Variants in MUC13 observed in about 807,000 individuals in gnomAD.
MUC13 encodes mucin-13.
MUC13 carries 32 observed loss-of-function variants against 48.3 expected under a neutral mutation model. The observed-to-expected ratio is 0.66, with a 90% CI of 0.50 to 0.89. MUC13 has a LOEUF of 0.89. MUC13 is among the 40% of genes least tolerant of loss of function. The pLI, the probability that MUC13 is intolerant of heterozygous loss-of-function variation, is 0.00. For missense variants in MUC13, 571 were observed against 622.8 expected (o/e 0.92, Z 0.88); for synonymous variants, 199 against 224.9 (o/e 0.88, Z 1.03).
chr3:124,925,736 C>T (rs1935674976), intron 2 of MUC13, among the ~76,000 whole-genome samples: 1 of 152,174 alleles, frequency 6.6e-6, no homozygotes, highest in Non-Finnish European at 1.5e-5. Flanking sequence ...ACTTCAGCCT[C>T]CTGAGTAGCT....
chr3:124,910,293 G>A (rs1315175802), intron 10 of MUC13, 122 bp downstream of exon 10: 2 of 1,369,986 alleles, frequency 1.5e-6, no homozygotes, highest in Non-Finnish European at 2.0e-6. Flanking sequence ...CAGCACTTTG[G>A]GAGGCCAAGG....
At chr3:124,922,339 T>C in intron 3 of MUC13, 36 bp from the exon 4 acceptor site, 6 of 1,599,612 alleles carry the variant, frequency 3.8e-6, no homozygotes, top group Non-Finnish European at 5.1e-6. Context: ...TACTATTTGA[T>C]GAAAAGAGGG....
rs555540867 is a variant in MUC13 at position 124,927,704 on chromosome 3, T to C, written c.342A>G (p.Ser114=). The change falls in exon 2 of 12, where the codon TCA becomes TCG. Residue 114 remains serine (S), a synonymous_variant. Transcript: ENST00000616727. ...ADSESTTNVN[S]LATSDIITAS... is the part of the protein sequence containing the mutation. Reference sequence around the variant, plus strand: ...CGGTGATTATGTCAGAGGTAGCTAATGAATTTACATTTGTGGTTGACTCAC... The same window carrying C: ...CGGTGATTATGTCAGAGGTAGCTAACGAATTTACATTTGTGGTTGACTCAC... 362 of 1,614,244 alleles carry C rather than the reference T, an allele frequency of 2.2e-4. 4 individuals are homozygous for C. In the South Asian group the frequency reaches 3.7e-3, roughly 17 times the overall value.
Position 124,918,636 on chromosome 3 carries a change from C to T in MUC13, c.800+1598G>A, listed in dbSNP as rs560537811. On this transcript the variant is annotated intron_variant, in intron 5 of 11. Transcript: ENST00000616727. ...TTATACAGAGGCAGTGACAAAGGTT[C>T]CGAGAGGTTAGAACACCTGCCTGGT... 4.6e-5 allele frequency among the ~76,000 whole-genome samples: 7 copies of T among 152,318 alleles called. No homozygotes were observed. In the East Asian group the frequency reaches 1.3e-3, roughly 29 times the overall value.
At chr3:124,917,770 G>A (rs1483296349) in intron 5 of MUC13, among the ~76,000 whole-genome samples, 3 of 151,704 alleles carry the variant, frequency 2.0e-5, no homozygotes, top group South Asian at 4.2e-4. Context: ...CGGGGGAGGC[G>A]GCAGGGAGTG....
intron 6 of MUC13, among the ~76,000 whole-genome samples, chr3:124,914,455 G>C (rs1935477314): frequency 6.6e-6 from 1 of 152,048 alleles, no homozygotes; most frequent in Non-Finnish European, 1.5e-5. Context: ...GAGTGGGGGA[G>C]AGAATAGGAG....
At chr3:124,934,298 C>T (rs1935845391) in intron 1 of MUC13, among the ~76,000 whole-genome samples, 1 of 152,168 alleles carries the variant, frequency 6.6e-6, no homozygotes, top group Admixed American at 6.5e-5. Flanking sequence ...GCTGAGACTA[C>T]AGGTGCCCAC....
At chr3:124,924,527 C>T (rs1048231072) in intron 2 of MUC13, among the ~76,000 whole-genome samples, 2 of 152,196 alleles carry the variant, frequency 1.3e-5, no homozygotes. Flanking sequence ...GTAGAAACCA[C>T]TGATTTCTTT....
At chr3:124,925,802 A>G (rs968540591) in intron 2 of MUC13, among the ~76,000 whole-genome samples, 1 of 152,080 alleles carries the variant, frequency 6.6e-6, no homozygotes, top group Non-Finnish European at 1.5e-5. Context: ...TTCTGTAGAG[A>G]TGGGGTTTTG....
chr3:124,922,421 A>T, intron 3 of MUC13, 118 bp from the exon 4 acceptor site: 1 of 1,276,662 alleles, frequency 7.8e-7, no homozygotes, highest in Non-Finnish European at 1.0e-6. Context: ...CACTACAGGA[A>T]ATCTGGAAAT....
chr3:124,933,503 A>G (rs959364473), intron 1 of MUC13, among the ~76,000 whole-genome samples: 2 of 152,168 alleles, frequency 1.3e-5, no homozygotes, highest in Non-Finnish European at 2.9e-5. Flanking sequence ...CTTCATCAAG[A>G]TAAGGACTGT....
rs1474555341 is a variant in MUC13 at position 124,919,590 on chromosome 3, T to C, written c.800+644A>G. On this transcript the variant is annotated intron_variant, in intron 5 of 11. Transcript: ENST00000616727. ...ACGAGGGCTGCTTTTCCTACCTAAC[T>C]TCATCTGTCTTAGAGCATTCTTTCC... Among the ~76,000 whole-genome samples the C allele has an allele frequency of 2.0e-5, 3 of 152,220 alleles. No homozygotes were observed. In the East Asian group the frequency reaches 5.8e-4, roughly 29 times the overall value.
At position 124,927,718 on chromosome 3, in the gene MUC13, T is replaced by C. The variant is rs1452265311; in HGVS notation, c.328A>G (p.Thr110Ala). 5 of 1,614,058 alleles carry C rather than the reference T, an allele frequency of 3.1e-6. No individual in the cohort carries two copies. The highest frequency in any genetic ancestry group is 4.2e-6 in the Non-Finnish European group (5 of 1,180,024). Residue 110 changes from threonine to alanine, a missense_variant, in exon 2 of 12, where the codon ACA (threonine) becomes GCA (alanine). Transcript: ENST00000616727. ...GAGGTAGCTAATGAATTTACATTTG[T>C]GGTTGACTCACTGTCTGCAGCAGTA... ...IPTAADSEST[T>A]NVNSLATSDI... is the part of the protein sequence containing the mutation.
Position 124,927,607 on chromosome 3 carries a change from TG to T in MUC13, c.438del (p.Thr147ProfsTer22). 6.2e-7 allele frequency: 1 copy of T among 1,614,192 alleles called. No homozygotes were observed. The highest frequency in any genetic ancestry group is 8.5e-7 in the Non-Finnish European group (1 of 1,180,042). ...CCTGATGATTGATTGTCTTCTGTGG[TG>T]GGGGACATTTCATTGTTACTTTGTG... The part of the protein sequence containing the change: ...SETQSNNEMS[P>X]TTEDNQSSGP... On this transcript the variant is annotated frameshift_variant, in exon 2 of 12. Transcript: ENST00000616727. LOFTEE classifies it high-confidence loss of function.
chr3:124,929,218 C>A (rs1935751127), intron 1 of MUC13, among the ~76,000 whole-genome samples: 1 of 146,860 alleles, frequency 6.8e-6, no homozygotes, highest in Admixed American at 7.0e-5. Context: ...TTCTGTCACA[C>A]ATGCTGGAGT....
At position 124,910,494 on chromosome 3, in the gene MUC13, G is replaced by A. The variant is rs1286934621; in HGVS notation, c.1258C>T (p.Gln420Ter). 2 of 1,613,944 alleles carry A rather than the reference G, an allele frequency of 1.2e-6. No individual in the cohort carries two copies. The highest frequency in any genetic ancestry group is 2.7e-5 in the African/African-American group (2 of 74,928). The change falls in exon 10 of 12, where the codon CAG becomes TAG. Residue 420 changes from glutamine to a stop codon, truncating the protein, a stop_gained. Transcript: ENST00000616727. LOFTEE classifies it high-confidence loss of function. Reference sequence around the variant, plus strand: ...GTGCCCACAATAGTGAGGATCAGCTGAAATTCTGAAAGGAAGAAGAAAATA... The same window carrying A: ...GTGCCCACAATAGTGAGGATCAGCTAAAATTCTGAAAGGAAGAAGAAAATA... The part of the protein sequence containing the change: ...YSGLDCKDKF[Q>*]LILTIVGTIA...
At chr3:124,921,191 C>T (rs1935588580) in intron 4 of MUC13, among the ~76,000 whole-genome samples, 1 of 152,036 alleles carries the variant, frequency 6.6e-6, no homozygotes, top group African/African-American at 2.4e-5. Flanking sequence ...ACTCTGTTGC[C>T]CAGGCTGGAG....
chr3:124,923,768 A>T, intron 2 of MUC13, 119 bp from the exon 3 acceptor site: 1 of 908,530 alleles, frequency 1.1e-6, no homozygotes, highest in Non-Finnish European at 1.7e-6. Context: ...TGCTTGTGTT[A>T]CTCCACAGCA....
chr3:124,928,054 C>T, intron 1 of MUC13, 61 bp from the exon 2 acceptor site: 1 of 1,018,258 alleles, frequency 9.8e-7, no homozygotes. Context: ...ATGGCAGTTA[C>T]TTAATACTAA....
Sources: allele counts gnomAD v4.1 joint callset (sites outside exome capture counted in the v4.1 genomes callset), GRCh38; gene constraint gnomAD v4.1.1; transcripts MANE v1.5; gene names NCBI Gene and HGNC (gene_info 2026-07-23, HGNC 2026-07-21).